Variants in RALGPS1 observed in about 807,000 individuals in gnomAD.
The protein encoded by RALGPS1 is ras-specific guanine nucleotide-releasing factor RalGPS1.
In RALGPS1, 19 loss-of-function variants were observed where a neutral mutation model predicts 78.8. The ratio of observed to expected loss-of-function variants is 0.24; its 90% CI spans 0.17 to 0.35. RALGPS1 has a LOEUF of 0.35. Ranked by LOEUF, RALGPS1 falls within the 10% of genes least tolerant of loss-of-function variation. RALGPS1 has a pLI of 1.00. For synonymous variants in RALGPS1, 228 were observed against 256.3 expected, an observed-to-expected ratio of 0.89 and a Z score of 1.06; for missense variants, 454 against 688.3, an observed-to-expected ratio of 0.66 and a Z score of 3.81.
intron 8 of RALGPS1, among the ~76,000 whole-genome samples, chr9:127,146,542 C>CTTTTTT (rs60707997): frequency 4.6e-5 from 6 of 130,848 alleles, no homozygotes; most frequent in Non-Finnish European, 6.5e-5. Flanking sequence ...GTGCATGTGT[C>CTTTTTT]TTTTTTTTTT....
chr9:126,956,103 G>A (rs1450208193), intron 1 of RALGPS1, among the ~76,000 whole-genome samples: 1 of 152,190 alleles, frequency 6.6e-6, no homozygotes, highest in Non-Finnish European at 1.5e-5. Context: ...TGGCACCTTA[G>A]CTTAGTTGAC....
chr9:126,929,158 T>C (rs951561782), intron 1 of RALGPS1, among the ~76,000 whole-genome samples: 23 of 152,220 alleles, frequency 1.5e-4, no homozygotes, highest in African/African-American at 5.5e-4. Flanking sequence ...GTATAATAAA[T>C]GTTTGAAATG....
chr9:127,123,451 C>T (rs151179050), intron 8 of RALGPS1, among the ~76,000 whole-genome samples: 8 of 152,254 alleles, frequency 5.3e-5, no homozygotes, highest in Admixed American at 1.3e-4. Context: ...TGTGAGGTCA[C>T]GTGGGAAGGA....
At chr9:127,203,754 G>A (rs1429036646) in intron 14 of RALGPS1, among the ~76,000 whole-genome samples, 1 of 152,236 alleles carries the variant, frequency 6.6e-6, no homozygotes, top group Non-Finnish European at 1.5e-5. Flanking sequence ...CCTGCATGAG[G>A]CACCAGGCTC....
At chr9:127,214,697 A>G in intron 17 of RALGPS1, 54 bp from the exon 18 acceptor site, 1 of 1,564,086 alleles carries the variant, frequency 6.4e-7, no homozygotes, top group South Asian at 1.2e-5. Context: ...GCCAGTCACC[A>G]GCTGACCCTC....
intron 4 of RALGPS1, among the ~76,000 whole-genome samples, chr9:127,024,736 T>C (rs1426653212): frequency 6.6e-6 from 1 of 152,170 alleles, no homozygotes; most frequent in African/African-American, 2.4e-5. Flanking sequence ...GGGTATGTAT[T>C]ATATGTTGAT....
intron 8 of RALGPS1, among the ~76,000 whole-genome samples, chr9:127,084,510 G>A (rs1415180094): frequency 6.6e-6 from 1 of 152,184 alleles, no homozygotes; most frequent in Admixed American, 6.5e-5. Context: ...TGCTGTCAAT[G>A]TGGGCCCCTC....
At chr9:126,975,877 C>G (rs1261225098) in intron 3 of RALGPS1, among the ~76,000 whole-genome samples, 2 of 152,262 alleles carry the variant, frequency 1.3e-5, no homozygotes, top group Non-Finnish European at 2.9e-5. Flanking sequence ...TCCTGGTCCT[C>G]TCTCCCACCT....
intron 8 of RALGPS1, among the ~76,000 whole-genome samples, chr9:127,132,445 C>T (rs766093260): frequency 3.3e-5 from 5 of 152,220 alleles, no homozygotes; most frequent in African/African-American, 4.8e-5. Flanking sequence ...ACTTCTGCTT[C>T]GCCTTGGAAT....
At chr9:127,157,397 A>G (rs975724521) in intron 8 of RALGPS1, among the ~76,000 whole-genome samples, 2 of 152,096 alleles carry the variant, frequency 1.3e-5, no homozygotes, top group African/African-American at 4.8e-5. Flanking sequence ...TCAGATACAA[A>G]GAGATGTAGA....
In RALGPS1 at chr9:127,222,091, C is replaced by T. The variant is rs1360346187; in HGVS notation, c.*3322C>T. On this transcript the variant is annotated 3_prime_UTR_variant, in exon 19 of 19. Coordinates refer to ENST00000259351, the MANE Select transcript of RALGPS1 (RefSeq NM_014636.3). ...CTCTGCACAAAACCACCCATTCATT[C>T]ATTTATTCATTCACAGCACTAGCAA... The T allele has an allele frequency of 6.6e-6, 1 of 152,250 alleles. No homozygotes were observed. The highest frequency in any genetic ancestry group is 1.5e-5 in the Non-Finnish European group (1 of 68,058). The allele number at this position is 152,250 out of a possible 1,614,324, so 9.4% of individuals were successfully genotyped here.
chr9:127,028,317 A>G (rs2046132694), intron 4 of RALGPS1, among the ~76,000 whole-genome samples: 1 of 152,244 alleles, frequency 6.6e-6, no homozygotes, highest in Admixed American at 6.5e-5. Context: ...ATGGGCTCCC[A>G]TCACTTCTAC....
rs529883382 is a variant in RALGPS1 at position 127,160,158 on chromosome 9, T to C, written c.611-5911T>C. Among the ~76,000 whole-genome samples the C allele has an allele frequency of 7.4e-4, 113 of 152,266 alleles. 3 individuals carry two copies. The South Asian group carries it at 0.022, about 29-fold the overall frequency. On this transcript the variant is annotated intron_variant, in intron 8 of 18. Transcript: ENST00000259351. ...CCTGGTGCCAGCCGTGGGCTTTGGC[T>C]TGGGGAGGCTGCAAGCGCCCAGCTT...
At chr9:126,978,592 G>A (rs749183064) in intron 4 of RALGPS1, among the ~76,000 whole-genome samples, 9 of 146,962 alleles carry the variant, frequency 6.1e-5, no homozygotes, top group Non-Finnish European at 1.2e-4. Flanking sequence ...CTGGACAAAA[G>A]AGCGAGACTC....
intron 8 of RALGPS1, among the ~76,000 whole-genome samples, chr9:127,143,222 G>C (rs1030353898): frequency 2.6e-5 from 4 of 152,098 alleles, no homozygotes; most frequent in African/African-American, 9.7e-5. Context: ...AAGTTCCTGG[G>C]AGTGCAACTG....
At chr9:126,975,822 A>G (rs1259498564) in intron 3 of RALGPS1, among the ~76,000 whole-genome samples, 7 of 152,114 alleles carry the variant, frequency 4.6e-5, no homozygotes, top group African/African-American at 1.7e-4. Flanking sequence ...GTTGGGTGGA[A>G]ACTGGAGGCG....
chr9:127,169,088 A>G (rs2059435585), intron 10 of RALGPS1, among the ~76,000 whole-genome samples: 1 of 152,190 alleles, frequency 6.6e-6, no homozygotes, highest in Admixed American at 6.5e-5. Context: ...CATGGCGTGG[A>G]TAATATGAAC....
intron 8 of RALGPS1, among the ~76,000 whole-genome samples, chr9:127,077,134 T>A (rs940389032): frequency 2.0e-5 from 3 of 152,022 alleles, no homozygotes; most frequent in Non-Finnish European, 4.4e-5. Flanking sequence ...ATGAAAGGGT[T>A]TTAAGCAAGG....
intron 8 of RALGPS1, among the ~76,000 whole-genome samples, chr9:127,141,347 C>CT: frequency 6.6e-6 from 1 of 152,108 alleles, no homozygotes; most frequent in African/African-American, 2.4e-5. Flanking sequence ...GCCTACTTAA[C>CT]TTTCAAATAT....
Sources: allele counts gnomAD v4.1 joint callset (sites outside exome capture counted in the v4.1 genomes callset), GRCh38; gene constraint gnomAD v4.1.1; transcripts MANE v1.5; gene names NCBI Gene and HGNC (gene_info 2026-07-23, HGNC 2026-07-21).